USO1: variants seen among roughly 807,000 people sequenced by gnomAD.
The protein encoded by USO1 is general vesicular transport factor p115.
Under a neutral mutation model 124.5 loss-of-function variants are expected in USO1, and 57 were observed. That is an observed-to-expected ratio of 0.46 (90% CI 0.37 to 0.57). The LOEUF (loss-of-function observed/expected upper bound fraction) is 0.57, where lower values mean the gene tolerates loss of function less well. USO1 is among the 20% of genes least tolerant of loss of function. The pLI, the probability that USO1 is intolerant of heterozygous loss-of-function variation, is 0.00. For missense variants in USO1, 900 were observed against 1,040.6 expected (o/e 0.86, Z 1.86); for synonymous variants, 369 against 362.8 (o/e 1.02, Z -0.19).
At chr4:75,729,979 T>G (rs1720582694) in intron 1 of USO1, 1 of 382,342 alleles carries the variant, frequency 2.6e-6, no homozygotes, top group Non-Finnish European at 5.1e-6. Context: ...TATAAATGTG[T>G]AGTCTGAAAT....
chr4:75,759,439 C>G (rs145126261), intron 4 of USO1, among the ~76,000 whole-genome samples: 451 of 150,708 alleles, frequency 3.0e-3, no homozygotes, highest in African/African-American at 0.01. Context: ...ACTAAAAATA[C>G]AAAAATTAGC....
intron 1 of USO1, among the ~76,000 whole-genome samples, chr4:75,739,099 G>T (rs186924838): frequency 2.0e-5 from 3 of 152,140 alleles, no homozygotes; most frequent in South Asian, 2.1e-4. Flanking sequence ...TGATCCGCCC[G>T]CCTCGTCCTC....
intron 13 of USO1, among the ~76,000 whole-genome samples, chr4:75,799,098 A>G (rs1722769166): frequency 6.6e-6 from 1 of 151,970 alleles, no homozygotes; most frequent in African/African-American, 2.4e-5. Flanking sequence ...AGTATGGTTT[A>G]TTTATTGTTA....
intron 4 of USO1, among the ~76,000 whole-genome samples, chr4:75,764,917 C>T (rs1194876000): frequency 6.6e-6 from 1 of 152,130 alleles, no homozygotes; most frequent in East Asian, 1.9e-4. Flanking sequence ...AGTTGAGTAA[C>T]TGCTGTTTTC....
chr4:75,732,321 G>A (rs909678777), intron 1 of USO1, among the ~76,000 whole-genome samples: 1 of 152,138 alleles, frequency 6.6e-6, no homozygotes, highest in Admixed American at 6.5e-5. Context: ...CATCTATGTT[G>A]CTGCAAAGGG....
chr4:75,775,668 A>C (rs951477600), intron 8 of USO1, among the ~76,000 whole-genome samples: 1 of 152,042 alleles, frequency 6.6e-6, no homozygotes, highest in Non-Finnish European at 1.5e-5. Context: ...GCAAATATAG[A>C]AAAAAAACTC....
intron 3 of USO1, chr4:75,755,331 A>G (rs778546760): frequency 2.3e-6 from 1 of 427,184 alleles, no homozygotes; most frequent in South Asian, 1.8e-5. Flanking sequence ...CGTCATCTCC[A>G]AAGTATTATT....
intron 7 of USO1, among the ~76,000 whole-genome samples, chr4:75,774,293 T>C (rs913970609): frequency 5.3e-5 from 8 of 152,202 alleles, no homozygotes; most frequent in Admixed American, 3.9e-4. Flanking sequence ...GAATTGCAAG[T>C]TTTTCATTAT....
Position 75,787,057 on chromosome 4 carries a change from C to G in USO1, c.856-5C>G, listed in dbSNP as rs367845113. On this transcript the variant is annotated splice_polypyrimidine_tract_variant and splice_region_variant and intron_variant, in intron 9 of 23. Transcript: ENST00000514213. The stretch of plus-strand genomic sequence containing the variant: ...GACAAATTTTGTTTTCTCTTTCTTT[C>G]ACAGCTTGTTCGTGTATTGGTATCT... 1.7e-5 allele frequency: 26 copies of G among 1,568,734 alleles called. No homozygotes were observed. The highest frequency in any genetic ancestry group is 3.4e-4 in the Middle Eastern group (2 of 5,872).
At chr4:75,812,009 G>A (rs1032408838) in intron 22 of USO1, 151 bp from the exon 23 acceptor site, 89 of 1,108,144 alleles carry the variant, frequency 8.0e-5, no homozygotes, top group Admixed American at 4.6e-4. Flanking sequence ...GTTAGTGTGT[G>A]TGTTAAACCT....
intron 10 of USO1, among the ~76,000 whole-genome samples, chr4:75,788,063 C>G (rs1269311595): frequency 6.6e-6 from 1 of 151,978 alleles, no homozygotes; most frequent in Non-Finnish European, 1.5e-5. Context: ...CCCCATGTCT[C>G]TTGTCCTGGG....
intron 1 of USO1, among the ~76,000 whole-genome samples, chr4:75,726,213 G>A (rs1314122944): frequency 1.3e-5 from 2 of 150,914 alleles, no homozygotes; most frequent in African/African-American, 4.9e-5. Flanking sequence ...CTCGGGAGGC[G>A]GAGGTTACGG....
In USO1 at chr4:75,810,569, G is replaced by A. The variant is rs563044873; in HGVS notation, c.2583+30G>A. 7.6e-6 allele frequency: 12 copies of A among 1,571,306 alleles called. No homozygotes were observed. In the African/African-American group the frequency reaches 1.1e-4, roughly 14 times the overall value. Reference sequence around the variant, plus strand: ...GTTTTTGGTGCAACTTTTATTTACTGCATATGATATGAAATGAACTCTAGG... The same window carrying A: ...GTTTTTGGTGCAACTTTTATTTACTACATATGATATGAAATGAACTCTAGG... On this transcript the variant is annotated intron_variant, in intron 22 of 23. Transcript: ENST00000514213.
At position 75,796,829 on chromosome 4, in the gene USO1, A is replaced by G. The variant is rs77941848; in HGVS notation, c.1453-2793A>G. On this transcript the variant is annotated intron_variant, in intron 13 of 23. Transcript: ENST00000514213. Reference sequence around the variant, plus strand: ...TTCCTTTTATTTATATCCTCTGCCCATTTTATATTAACATACTTAACCCTT... The same window carrying G: ...TTCCTTTTATTTATATCCTCTGCCCGTTTTATATTAACATACTTAACCCTT... Among the ~76,000 whole-genome samples the G allele has an allele frequency of 5.8e-3, 861 of 148,888 alleles. 15 individuals are homozygous for G. Among genetic ancestry groups the G allele is most frequent in the African/African-American group, 0.02 (803 of 40,408 alleles).
chr4:75,765,400 C>T (rs987939595), intron 4 of USO1, among the ~76,000 whole-genome samples: 8 of 152,138 alleles, frequency 5.3e-5, no homozygotes, highest in Non-Finnish European at 1.2e-4. Flanking sequence ...AAGGTAGGCT[C>T]ATTAGCCCAC....
chr4:75,807,930 ATATAG>A (rs1475670867), intron 20 of USO1, among the ~76,000 whole-genome samples: 4 of 152,164 alleles, frequency 2.6e-5, no homozygotes, highest in South Asian at 4.1e-4. Flanking sequence ...TTTTTATAAT[ATATAG>A]TAAAGTACTA....
chr4:75,754,279 C>T (rs1721373793), intron 3 of USO1, among the ~76,000 whole-genome samples: 1 of 151,610 alleles, frequency 6.6e-6, no homozygotes. Context: ...GATGGGGTTT[C>T]TCCATGTTGA....
At position 75,799,638 on chromosome 4, in the gene USO1, CAA is replaced by C. The variant is rs748032813; in HGVS notation, c.1470_1471del (p.Arg491SerfsTer62). Reference sequence around the variant, plus strand: ...CTGTTGCAGGGAAGCAAAATACAAACAAGAGTTGGATTATTAATGTTGCTTTG... The same window carrying C: ...CTGTTGCAGGGAAGCAAAATACAAACGAGTTGGATTATTAATGTTGCTTTG... On this transcript the variant is annotated frameshift_variant, in exon 14 of 24. Transcript: ENST00000514213. LOFTEE classifies it high-confidence loss of function. 6.2e-7 allele frequency: 1 copy of C among 1,613,344 alleles called. No individual in the cohort carries two copies. The highest frequency in any genetic ancestry group is 1.7e-5 in the Admixed American group (1 of 59,890).
chr4:75,772,395 C>G (rs1721956941), intron 7 of USO1, among the ~76,000 whole-genome samples: 1 of 151,836 alleles, frequency 6.6e-6, no homozygotes, highest in South Asian at 2.1e-4. Context: ...TGACATCACC[C>G]CCAGCTAATT....
Sources: allele counts gnomAD v4.1 joint callset (sites outside exome capture counted in the v4.1 genomes callset), GRCh38; gene constraint gnomAD v4.1.1; transcripts MANE v1.5; gene names NCBI Gene and HGNC (gene_info 2026-07-23, HGNC 2026-07-21).